The following OSBPL1A variants were observed in gnomAD, a reference collection of about 807,000 sequenced individuals.
OSBPL1A encodes oxysterol-binding protein-related protein 1.
OSBPL1A carries 80 observed loss-of-function variants against 137.1 expected under a neutral mutation model. The ratio of observed to expected loss-of-function variants is 0.58; its 90% CI spans 0.49 to 0.70. The LOEUF is 0.70. Among genes scored for constraint, OSBPL1A ranks in the 30% least tolerant of loss-of-function variants. The probability of loss-of-function intolerance (pLI) is 0.00; values close to 1 mark genes in which losing one functional copy is unlikely to be tolerated. For missense variants in OSBPL1A, 970 were observed against 1,129.4 expected, an observed-to-expected ratio of 0.86 and a Z score of 2.02; for synonymous variants, 365 against 389.7, an observed-to-expected ratio of 0.94 and a Z score of 0.75.
At chr18:24,208,582 A>G (rs1294131005) in intron 17 of OSBPL1A, among the ~76,000 whole-genome samples, 3 of 152,208 alleles carry the variant, frequency 2.0e-5, no homozygotes, top group Non-Finnish European at 4.4e-5. Context: ...CCTACCACCA[A>G]TTTCTTAAGA....
At chr18:24,342,415 T>C (rs1311192036) in intron 4 of OSBPL1A, among the ~76,000 whole-genome samples, 2 of 152,192 alleles carry the variant, frequency 1.3e-5, no homozygotes, top group African/African-American at 2.4e-5. Flanking sequence ...TATCTTATGA[T>C]ACACAACACC....
intron 7 of OSBPL1A, among the ~76,000 whole-genome samples, chr18:24,330,569 C>G (rs538406030): frequency 6.6e-6 from 1 of 151,568 alleles, no homozygotes; most frequent in South Asian, 2.1e-4. Context: ...ACTGCAACCT[C>G]TGCCTCCCAG....
rs1344681489 is a variant in OSBPL1A at position 24,271,202 on chromosome 18, GT to G, written c.1281+9639del. Among the ~76,000 whole-genome samples the G allele has an allele frequency of 1.3e-5, 2 of 152,196 alleles. No individual in the cohort carries two copies. Among genetic ancestry groups the G allele is most frequent in the African/African-American group, 4.8e-5 (2 of 41,440 alleles). ...TTCAGCGGCCTCTGAAGAGCGGATG[GT>G]AAGTTCATCTCAATGTCAGCCGGAG... On this transcript the variant is annotated intron_variant, in intron 15 of 27. Coordinates refer to ENST00000319481, the MANE Select transcript of OSBPL1A (RefSeq NM_080597.4). This position sits in a 1 kb window ranked among gnomAD's most constrained non-coding sequence, Gnocchi z 4.0.
intron 15 of OSBPL1A, among the ~76,000 whole-genome samples, chr18:24,264,179 C>T (rs1246774733): frequency 2.0e-5 from 3 of 152,050 alleles, no homozygotes; most frequent in African/African-American, 7.2e-5. Flanking sequence ...GAACCACAAA[C>T]CAGGCTTTGA....
chr18:24,266,085 G>A (rs1234940261), intron 15 of OSBPL1A, among the ~76,000 whole-genome samples: 3 of 152,220 alleles, frequency 2.0e-5, no homozygotes, highest in Admixed American at 6.5e-5. Flanking sequence ...TAACGACTCC[G>A]TGTTAGACAA....
At chr18:24,394,811 C>A (rs1023988270) in intron 1 of OSBPL1A, among the ~76,000 whole-genome samples, 8 of 115,872 alleles carry the variant, frequency 6.9e-5, no homozygotes, top group Non-Finnish European at 1.4e-4. Context: ...CGAAATTGTA[C>A]AGTTAAAGAC....
chr18:24,317,429 A>G (rs2090756694), intron 9 of OSBPL1A, 29 bp from the exon 10 acceptor site: 1 of 1,527,278 alleles, frequency 6.5e-7, no homozygotes, highest in South Asian at 1.1e-5. Context: ...AGATTTCCCA[A>G]GCTGACACAT....
rs191988069 is a variant in OSBPL1A at position 24,177,705 on chromosome 18, T to G, written c.2093+308A>C. Among the ~76,000 whole-genome samples the G allele has an allele frequency of 5.9e-5, 9 of 152,322 alleles. No individual in the cohort carries two copies. The East Asian group carries it at 1.7e-3, about 29-fold the overall frequency. On this transcript the variant is annotated intron_variant, in intron 21 of 27. Coordinates refer to ENST00000319481, the MANE Select transcript of OSBPL1A (RefSeq NM_080597.4). ...TTTTGAAAGATCTGTAAACAAAACA[T>G]TGGCACAAGGATATAAAAAAGCATG...
intron 7 of OSBPL1A, among the ~76,000 whole-genome samples, chr18:24,325,103 GA>G (rs1174748793): frequency 2.0e-5 from 3 of 151,888 alleles, no homozygotes; most frequent in African/African-American, 7.3e-5. Context: ...AAAAAAGAAA[GA>G]AAGAAAGAAA....
At chr18:24,288,063 C>T (rs1306296340) in intron 14 of OSBPL1A, among the ~76,000 whole-genome samples, 1 of 152,102 alleles carries the variant, frequency 6.6e-6, no homozygotes, top group Non-Finnish European at 1.5e-5. Context: ...GAAATGGAAA[C>T]AGGAAGCATT....
At chr18:24,169,801 G>A (rs565914113) in intron 24 of OSBPL1A, among the ~76,000 whole-genome samples, 1 of 152,200 alleles carries the variant, frequency 6.6e-6, no homozygotes. Flanking sequence ...AAGAAGCCAC[G>A]TATGTGCCTC....
intron 17 of OSBPL1A, among the ~76,000 whole-genome samples, chr18:24,214,321 C>T (rs1339808267): frequency 6.6e-6 from 1 of 152,228 alleles, no homozygotes; most frequent in South Asian, 2.1e-4. Flanking sequence ...TAACTACCGT[C>T]ATCCCTAAAG....
chr18:24,385,196 C>T (rs972121207), intron 1 of OSBPL1A, among the ~76,000 whole-genome samples: 11 of 151,956 alleles, frequency 7.2e-5, no homozygotes, highest in Admixed American at 5.2e-4. Flanking sequence ...CCTCATGATC[C>T]GCCCGCCCCG....
chr18:24,342,492 G>A (rs760791424), intron 4 of OSBPL1A, among the ~76,000 whole-genome samples: 35 of 152,116 alleles, frequency 2.3e-4, no homozygotes, highest in Non-Finnish European at 4.6e-4. Context: ...AAACTGTGCT[G>A]TTCTAACTTC....
Position 24,181,291 on chromosome 18 carries a change from G to GA in OSBPL1A, c.1678-13dup, listed in dbSNP as rs772262041. On this transcript the variant is annotated splice_polypyrimidine_tract_variant and intron_variant, in intron 18 of 27. Coordinates refer to ENST00000319481, the MANE Select transcript of OSBPL1A (RefSeq NM_080597.4). ...ATCTTGGATAGTTCCTATTTAACCAGAAAATTGAAAGTGTTATGTCCCATA... is the reference window on the plus strand; with the variant it reads ...ATCTTGGATAGTTCCTATTTAACCAGAAAAATTGAAAGTGTTATGTCCCATA... The GA allele has an allele frequency of 4.3e-5, 69 of 1,613,194 alleles. No homozygotes were observed. Among genetic ancestry groups the GA allele is most frequent in the Admixed American group, 1.5e-4 (9 of 59,910 alleles).
At chr18:24,194,315 GC>G (rs2086967686) in intron 18 of OSBPL1A, among the ~76,000 whole-genome samples, 1 of 152,148 alleles carries the variant, frequency 6.6e-6, no homozygotes, top group Non-Finnish European at 1.5e-5. Context: ...AATGTAACGA[GC>G]TGGAATCAAT....
At chr18:24,241,789 G>T (rs558178986) in intron 15 of OSBPL1A, among the ~76,000 whole-genome samples, 1 of 152,126 alleles carries the variant, frequency 6.6e-6, no homozygotes, top group Non-Finnish European at 1.5e-5. Flanking sequence ...TATACCCAAA[G>T]GAGTATAAAT....
Position 24,391,384 on chromosome 18 carries a change from T to C in OSBPL1A, c.-3+6271A>G, listed in dbSNP as rs181096854. 2.6e-4 allele frequency among the ~76,000 whole-genome samples: 40 copies of C among 152,196 alleles called. No individual in the cohort carries two copies. The East Asian group carries it at 3.9e-3, about 15-fold the overall frequency. ...GGATGGACAGTGGTGATAGCTGTACTACAATGTGAATGTATGCAATGCCAC... is the reference window on the plus strand; with the variant it reads ...GGATGGACAGTGGTGATAGCTGTACCACAATGTGAATGTATGCAATGCCAC... On this transcript the variant is annotated intron_variant, in intron 1 of 27. Coordinates refer to ENST00000319481, the MANE Select transcript of OSBPL1A (RefSeq NM_080597.4).
At chr18:24,258,966 T>C (rs1397707376) in intron 15 of OSBPL1A, among the ~76,000 whole-genome samples, 7 of 137,486 alleles carry the variant, frequency 5.1e-5, no homozygotes, top group African/African-American at 1.6e-4. Context: ...TGAGACGGAG[T>C]CTCGCTCTGT....
Sources: allele counts gnomAD v4.1 joint callset (sites outside exome capture counted in the v4.1 genomes callset), GRCh38; gene constraint gnomAD v4.1.1; non-coding constraint Gnocchi (gnomAD v3.1); transcripts MANE v1.5; gene names NCBI Gene and HGNC (gene_info 2026-07-23, HGNC 2026-07-21).